Variants in TET3 observed in about 807,000 individuals in gnomAD.
TET3 encodes the protein methylcytosine dioxygenase TET3.
Under a neutral mutation model 141.4 loss-of-function variants are expected in TET3, and 19 were observed. The ratio of observed to expected loss-of-function variants is 0.13; its 90% CI spans 0.09 to 0.20. TET3 has a LOEUF of 0.20. Ranked by LOEUF, TET3 falls within the 10% of genes least tolerant of loss-of-function variation. The pLI, the probability that TET3 is intolerant of heterozygous loss-of-function variation, is 1.00. For synonymous variants in TET3, 1,043 were observed against 980.9 expected, an observed-to-expected ratio of 1.06 and a Z score of -1.18; for missense variants, 1,874 against 2,356.9, an observed-to-expected ratio of 0.80 and a Z score of 4.24.
chr2:74,048,476 T>C, intron 4 of TET3, 65 bp downstream of exon 4: 1 of 1,484,144 alleles, frequency 6.7e-7, no homozygotes, highest in South Asian at 1.4e-5. Flanking sequence ...CTAGGATTTC[T>C]AGGCCCTGCC....
chr2:73,989,731 A>T (rs1400695224), intron 2 of TET3, among the ~76,000 whole-genome samples: 1 of 151,870 alleles, frequency 6.6e-6, no homozygotes, highest in Non-Finnish European at 1.5e-5. Flanking sequence ...ACTTTAGAGG[A>T]GGTTGTTTGA....
chr2:74,122,492 T>C, the TET3 span: 3 of 68,770 alleles, frequency 4.4e-5, no homozygotes, highest in South Asian at 1.5e-3. Flanking sequence ...AATACATACA[T>C]ATATATATAT....
chr2:74,135,277 A>G, the TET3 span: 1 of 487,960 alleles, frequency 2.0e-6, no homozygotes, highest in Non-Finnish European at 3.6e-6. Context: ...GTGGAGGGGA[A>G]GAAACAGGAA....
At position 74,047,949 on chromosome 2, in the gene TET3, C is replaced by T; in HGVS notation, c.2032C>T (p.Pro678Ser). The part of the protein sequence containing the change: ...APSPSRDSLL[P>S]PTQEMRSPSP... ...TAGTCCCTCCAGGGACAGCCTGCTGCCCCCTACTCAGGAAATGAGGTCCCC... is the reference window on the plus strand; with the variant it reads ...TAGTCCCTCCAGGGACAGCCTGCTGTCCCCTACTCAGGAAATGAGGTCCCC... The change falls in exon 4 of 12, where the codon CCC becomes TCC. Residue 678 changes from proline (P) to serine (S), a missense_variant. Pro to Ser is a moderately conservative substitution (Grantham distance 74, BLOSUM62 -1). Transcript: ENST00000409262. The T allele has an allele frequency of 6.2e-7, 1 of 1,613,186 alleles. No individual in the cohort carries two copies. Among genetic ancestry groups the T allele is most frequent in the Non-Finnish European group, 8.5e-7 (1 of 1,179,430 alleles).
At chr2:74,094,287 C>T (rs1354205789) in intron 10 of TET3, among the ~76,000 whole-genome samples, 5 of 152,062 alleles carry the variant, frequency 3.3e-5, no homozygotes, top group Non-Finnish European at 7.4e-5. Context: ...GAGGGACCAG[C>T]GTGTGTGCAG....
chr2:74,076,273 G>A (rs977427119), intron 5 of TET3, among the ~76,000 whole-genome samples: 1 of 151,882 alleles, frequency 6.6e-6, no homozygotes, highest in African/African-American at 2.4e-5. Flanking sequence ...TTTTTCCTTA[G>A]CAACTGGTTT....
chr2:74,011,880 AG>A (rs1175948791), intron 3 of TET3, among the ~76,000 whole-genome samples: 7 of 151,842 alleles, frequency 4.6e-5, no homozygotes, highest in Non-Finnish European at 1.0e-4. Flanking sequence ...CTCTACCAAA[AG>A]GAAAAAAAAA....
intron 10 of TET3, among the ~76,000 whole-genome samples, chr2:74,097,112 GAAAAAAA>G (rs750552013): frequency 2.1e-5 from 1 of 47,892 alleles, no homozygotes; most frequent in African/African-American, 5.7e-5. Context: ...AGAAGAAAAA[GAAAAAAA>G]AAAAAAGAAA....
At chr2:73,999,465 T>C (rs769794083) in intron 2 of TET3, among the ~76,000 whole-genome samples, 1 of 152,188 alleles carries the variant, frequency 6.6e-6, no homozygotes, top group Non-Finnish European at 1.5e-5. Context: ...CCCCCAAGAA[T>C]GTGTCTGGTT....
At position 74,101,153 on chromosome 2, in the gene TET3, C is replaced by T; in HGVS notation, c.4365C>T (p.Ser1455=). 6.2e-7 allele frequency: 1 copy of T among 1,613,870 alleles called. No homozygotes were observed. The highest frequency in any genetic ancestry group is 2.2e-5 in the East Asian group (1 of 44,874). Residue 1455 remains serine (S), a synonymous_variant, in exon 12 of 12, where the codon AGC becomes AGT. Transcript: ENST00000409262. This position sits in a 1 kb window ranked among gnomAD's most constrained non-coding sequence, Gnocchi z 8.5. The part of the protein sequence containing the change: ...SPKRTNGVGG[S]WGVFSSGESP... ...AGAGGACTAACGGTGTGGGTGGCAGCTGGGGTGTGTTCTCGTCTGGGGAGA... is the reference window on the plus strand; with the variant it reads ...AGAGGACTAACGGTGTGGGTGGCAGTTGGGGTGTGTTCTCGTCTGGGGAGA...
chr2:74,095,576 C>A (rs1176754514), intron 10 of TET3, among the ~76,000 whole-genome samples: 9 of 152,200 alleles, frequency 5.9e-5, no homozygotes, highest in Admixed American at 5.9e-4. Flanking sequence ...CATTCAGACA[C>A]CCAAATGTGT....
At chr2:74,090,990 T>G (rs1690461230) in intron 8 of TET3, among the ~76,000 whole-genome samples, 1 of 152,120 alleles carries the variant, frequency 6.6e-6, no homozygotes, top group Non-Finnish European at 1.5e-5. Context: ...CTTCCCGTGG[T>G]GCAGGGACAC....
At chr2:74,057,201 A>G (rs1287941520) in intron 4 of TET3, among the ~76,000 whole-genome samples, 1 of 152,228 alleles carries the variant, frequency 6.6e-6, no homozygotes, top group African/African-American at 2.4e-5. Flanking sequence ...GTGGGGCTTT[A>G]TTTTAACTTG....
chr2:74,006,987 TTTC>T (rs1685185257), intron 3 of TET3, among the ~76,000 whole-genome samples: 1 of 152,228 alleles, frequency 6.6e-6, no homozygotes, highest in Non-Finnish European at 1.5e-5. Context: ...TTTCTCCCCC[TTTC>T]TTCTTCCCTT....
At chr2:74,080,614 A>G (rs1689754914) in intron 6 of TET3, 23 bp downstream of exon 6, 3 of 1,569,122 alleles carry the variant, frequency 1.9e-6, no homozygotes, top group Non-Finnish European at 2.6e-6. Flanking sequence ...CCCACTCAAG[A>G]GCCACAGCTG....
chr2:74,058,149 A>G (rs1688312500), intron 4 of TET3, among the ~76,000 whole-genome samples: 1 of 152,266 alleles, frequency 6.6e-6, no homozygotes, highest in African/African-American at 2.4e-5. Flanking sequence ...GAGAAGCTAC[A>G]AAAAGCAGAA....
At chr2:74,060,967 C>G (rs1343507115) in intron 4 of TET3, among the ~76,000 whole-genome samples, 1 of 152,308 alleles carries the variant, frequency 6.6e-6, no homozygotes, top group East Asian at 1.9e-4. Context: ...CCCCACCTTT[C>G]CCCCCTTTCT....
chr2:74,065,603 C>T (rs1381741004), intron 4 of TET3, among the ~76,000 whole-genome samples: 1 of 128,668 alleles, frequency 7.8e-6, no homozygotes, highest in East Asian at 2.0e-4. Flanking sequence ...TCCTTCCTTC[C>T]GTCCGTCCGT....
At chr2:73,985,513 GGCGGCGGGC>G (rs976881617) in intron 1 of TET3, among the ~76,000 whole-genome samples, 38 of 146,108 alleles carry the variant, frequency 2.6e-4, no homozygotes, top group Non-Finnish European at 4.4e-4. Context: ...GCTGCGCTCC[GGCGGCGGGC>G]GCGGCGGGCG....
Sources: allele counts gnomAD v4.1 joint callset (sites outside exome capture counted in the v4.1 genomes callset), GRCh38; gene constraint gnomAD v4.1.1; non-coding constraint Gnocchi (gnomAD v3.1); transcripts MANE v1.5; gene names NCBI Gene and HGNC (gene_info 2026-07-23, HGNC 2026-07-21).